The following WDR43 variants were observed in gnomAD, a reference collection of about 807,000 sequenced individuals.
WDR43 encodes WD repeat-containing protein 43.
Under a neutral mutation model 91.4 loss-of-function variants are expected in WDR43, and 13 were observed. The ratio of observed to expected loss-of-function variants is 0.14; its 90% CI spans 0.09 to 0.23. WDR43 has a LOEUF of 0.23. Among genes scored for constraint, WDR43 ranks in the 10% least tolerant of loss-of-function variants. WDR43 has a pLI of 1.00. For synonymous variants in WDR43, 331 were observed against 287.9 expected (o/e 1.15, Z -1.51); for missense variants, 780 against 809.4 (o/e 0.96, Z 0.44).
Position 28,912,598 on chromosome 2 carries a change from A to G in WDR43, c.494A>G (p.Lys165Arg). Residue 165 changes from lysine (K) to arginine (R), a missense_variant, in exon 4 of 18, where the codon AAA (lysine) becomes AGA (arginine). Lys to Arg is a conservative substitution (Grantham distance 26). Transcript: ENST00000407426. Reference protein sequence around the residue: ...VQTCKVKCKWKGDNSSVSSLC... With the variant: ...VQTCKVKCKWRGDNSSVSSLC... ...TTCTCTTCACAATATAGCAAATGGAAAGGCGACAATAGCAGTGTCAGTTCC... is the reference window on the plus strand; with the variant it reads ...TTCTCTTCACAATATAGCAAATGGAGAGGCGACAATAGCAGTGTCAGTTCC... 1 of 1,613,612 alleles carries G rather than the reference A, an allele frequency of 6.2e-7. No individual in the cohort carries two copies. The highest frequency in any genetic ancestry group is 8.5e-7 in the Non-Finnish European group (1 of 1,179,758).
At chr2:28,907,620 A>G (rs1670707898) in intron 3 of WDR43, among the ~76,000 whole-genome samples, 1 of 147,870 alleles carries the variant, frequency 6.8e-6, no homozygotes, top group South Asian at 2.2e-4. Context: ...CTCAAAAAAA[A>G]AAAGGCTGGG....
intron 11 of WDR43, among the ~76,000 whole-genome samples, chr2:28,931,339 C>G (rs1015006965): frequency 2.0e-5 from 3 of 152,232 alleles, no homozygotes; most frequent in Admixed American, 2.0e-4. Context: ...CTTGGCCTCC[C>G]AAAGTCCTGG....
intron 6 of WDR43, among the ~76,000 whole-genome samples, chr2:28,921,914 A>G (rs1047862806): frequency 6.6e-6 from 1 of 152,042 alleles, no homozygotes; most frequent in Non-Finnish European, 1.5e-5. Context: ...GAGTTTCACT[A>G]TATTTCCTAG....
intron 11 of WDR43, among the ~76,000 whole-genome samples, chr2:28,933,360 T>C (rs904777242): frequency 1.3e-5 from 2 of 152,198 alleles, no homozygotes. Flanking sequence ...CTCAGTTTTA[T>C]CTCACCTTAC....
At chr2:28,901,246 T>A (rs1670573722) in intron 1 of WDR43, among the ~76,000 whole-genome samples, 1 of 152,218 alleles carries the variant, frequency 6.6e-6, no homozygotes, top group Non-Finnish European at 1.5e-5. Flanking sequence ...CATTATAAAC[T>A]GATGTAGTGC....
Position 28,894,737 on chromosome 2 carries a change from C to T in WDR43, c.39C>T (p.Ala13=), listed in dbSNP as rs549672398. ...AGGGGSCDPL[A]PAGVPCAFSP... ...GCGGCGGTAGCTGCGACCCCCTGGC[C>T]CCTGCTGGGGTCCCTTGCGCCTTCT... is the stretch of plus-strand genomic sequence containing the variant. The change falls in exon 1 of 18, where the codon GCC becomes GCT. Residue 13 remains alanine (A), a synonymous_variant. Coordinates refer to ENST00000407426, the MANE Select transcript of WDR43 (RefSeq NM_015131.3). The T allele has an allele frequency of 6.3e-5, 100 of 1,587,208 alleles. No individual in the cohort carries two copies. Among genetic ancestry groups the T allele is most frequent in the Admixed American group, 3.6e-4 (20 of 55,346 alleles).
intron 14 of WDR43, among the ~76,000 whole-genome samples, chr2:28,940,380 C>T (rs1018626068): frequency 1.3e-5 from 2 of 152,090 alleles, no homozygotes; most frequent in African/African-American, 4.8e-5. Context: ...CAGGCACATG[C>T]CACCATGCCT....
chr2:28,903,183 C>T (rs1035895183), intron 2 of WDR43, among the ~76,000 whole-genome samples: 1 of 151,978 alleles, frequency 6.6e-6, no homozygotes, highest in African/African-American at 2.4e-5. Flanking sequence ...TTTTTAGTGA[C>T]TGCTTAAAAT....
chr2:28,936,651 C>CA (rs1671342011), intron 12 of WDR43, among the ~76,000 whole-genome samples: 1 of 152,204 alleles, frequency 6.6e-6, no homozygotes, highest in Non-Finnish European at 1.5e-5. Flanking sequence ...ACTCTCCATT[C>CA]TTCCTTCTCC....
chr2:28,926,445 C>A, intron 8 of WDR43, 23 bp from the exon 9 acceptor site: 1 of 1,493,686 alleles, frequency 6.7e-7, no homozygotes, highest in South Asian at 1.4e-5. Flanking sequence ...TCATCTTCCC[C>A]TTTAAAAAAA....
chr2:28,917,824 A>G, intron 5 of WDR43, 69 bp from the exon 6 acceptor site: 1 of 1,348,940 alleles, frequency 7.4e-7, no homozygotes, highest in Non-Finnish European at 1.0e-6. Context: ...ATGCCTCCTT[A>G]GGTGTTTGCC....
intron 1 of WDR43, among the ~76,000 whole-genome samples, chr2:28,899,578 T>C (rs1366621979): frequency 1.3e-5 from 2 of 152,250 alleles, no homozygotes; most frequent in African/African-American, 2.4e-5. Flanking sequence ...TAGAACTGTT[T>C]ATATTGATTT....
At chr2:28,912,815 T>C in intron 4 of WDR43, 105 bp downstream of exon 4, 9 of 1,420,700 alleles carry the variant, frequency 6.3e-6, no homozygotes, top group Non-Finnish European at 8.5e-6. Flanking sequence ...AAATTCTTCA[T>C]TGTCAGGTAC....
At chr2:28,895,040 G>T (rs1024594464) in intron 1 of WDR43, 117 bp downstream of exon 1, 11 of 1,090,192 alleles carry the variant, frequency 1.0e-5, no homozygotes, top group African/African-American at 1.7e-5. Flanking sequence ...GGGCCAGAAG[G>T]CTTGGAGGCG....
chr2:28,942,777 G>T (rs564380821), intron 16 of WDR43, among the ~76,000 whole-genome samples: 1 of 151,914 alleles, frequency 6.6e-6, no homozygotes, highest in South Asian at 2.1e-4. Context: ...CACCATGCCC[G>T]GCCAACTTTG....
chr2:28,910,665 G>A (rs978171499), intron 3 of WDR43, among the ~76,000 whole-genome samples: 6 of 94,354 alleles, frequency 6.4e-5, no homozygotes, highest in South Asian at 3.9e-4. Flanking sequence ...GATAACGTGC[G>A]TGTGTGTGTG....
intron 3 of WDR43, among the ~76,000 whole-genome samples, chr2:28,907,409 G>A (rs1372356842): frequency 8.5e-6 from 1 of 117,562 alleles, no homozygotes; most frequent in Admixed American, 1.0e-4. Context: ...GATTGCTTGA[G>A]ACCAGACTGA....
chr2:28,933,542 A>G (rs1305156429), intron 11 of WDR43, among the ~76,000 whole-genome samples: 1 of 152,240 alleles, frequency 6.6e-6, no homozygotes, highest in Non-Finnish European at 1.5e-5. Flanking sequence ...GAACCTTATC[A>G]AAATTAGAAA....
At chr2:28,897,749 C>T (rs145548914) in intron 1 of WDR43, among the ~76,000 whole-genome samples, 22 of 152,214 alleles carry the variant, frequency 1.4e-4, no homozygotes, top group African/African-American at 4.6e-4. Context: ...TCTTGGGTAA[C>T]GGGTTAAGTT....
Sources: gnomAD v4.1 joint callset for allele counts (sites outside exome capture counted in the v4.1 genomes callset) on GRCh38, gnomAD v4.1.1 for gene constraint, MANE v1.5 for transcripts, NCBI Gene and HGNC (gene_info 2026-07-23, HGNC 2026-07-21) for gene names.